ACSM1: variants seen among roughly 807,000 people sequenced by gnomAD.
ACSM1 encodes the protein acyl-coenzyme A synthetase ACSM1, mitochondrial.
In ACSM1, 79 loss-of-function variants were observed where a neutral mutation model predicts 75.8. That is an observed-to-expected ratio of 1.04 (90% CI 0.87 to 1.26). ACSM1 has a LOEUF of 1.26. Ranked by LOEUF, ACSM1 falls within the 50% of genes most tolerant of loss-of-function variation. The pLI is 0.00. For synonymous variants in ACSM1, 279 were observed against 265.8 expected (o/e 1.05, Z -0.48); for missense variants, 676 against 720.1 (o/e 0.94, Z 0.70).
chr16:20,626,528 T>C (rs2016933971), intron 11 of ACSM1, among the ~76,000 whole-genome samples: 1 of 151,948 alleles, frequency 6.6e-6, no homozygotes. Flanking sequence ...TCCTGTGCTA[T>C]CTTTGAATCT....
At chr16:20,654,623 T>C in intron 7 of ACSM1, among the ~76,000 whole-genome samples, 1 of 152,130 alleles carries the variant, frequency 6.6e-6, no homozygotes, top group Non-Finnish European at 1.5e-5. Context: ...AAGAAGACAT[T>C]TATGCAGCCA....
chr16:20,656,474 G>C (rs1266609922), intron 7 of ACSM1, among the ~76,000 whole-genome samples: 2 of 151,738 alleles, frequency 1.3e-5, no homozygotes, highest in African/African-American at 4.8e-5. Flanking sequence ...TGGAAATTTG[G>C]GTGACTAAAA....
At chr16:20,694,744 A>G (rs1323128536) in intron 1 of ACSM1, among the ~76,000 whole-genome samples, 1 of 152,168 alleles carries the variant, frequency 6.6e-6, no homozygotes, top group East Asian at 1.9e-4. Flanking sequence ...TGAAGTACGA[A>G]CCCCAATATT....
chr16:20,641,853 G>C (rs1312136213), intron 7 of ACSM1, among the ~76,000 whole-genome samples: 1 of 152,202 alleles, frequency 6.6e-6, no homozygotes, highest in Non-Finnish European at 1.5e-5. Flanking sequence ...CATCATCAAG[G>C]GACACCCAAG....
intron 7 of ACSM1, among the ~76,000 whole-genome samples, chr16:20,649,378 C>T (rs1332171233): frequency 6.6e-6 from 1 of 152,190 alleles, no homozygotes; most frequent in Non-Finnish European, 1.5e-5. Flanking sequence ...ACATATTTCT[C>T]TGCCATATCT....
chr16:20,640,390 T>C, intron 8 of ACSM1, 71 bp downstream of exon 8: 2 of 1,580,426 alleles, frequency 1.3e-6, no homozygotes, highest in Middle Eastern at 3.3e-4. Context: ...TGCGTGTCAT[T>C]AACCTTAGCA....
intron 12 of ACSM1, 68 bp from the exon 13 acceptor site, chr16:20,624,283 A>G (rs1330073598): frequency 6.6e-7 from 1 of 1,503,840 alleles, no homozygotes; most frequent in Admixed American, 2.0e-5. Flanking sequence ...GTCAATGTTT[A>G]TTGAATGAGT....
At position 20,627,284 on chromosome 16, in the gene ACSM1, A is replaced by G; in HGVS notation, c.1332T>C (p.Cys444=). 6.3e-7 allele frequency: 1 copy of G among 1,583,852 alleles called. No individual in the cohort carries two copies. The highest frequency in any genetic ancestry group is 8.6e-7 in the Non-Finnish European group (1 of 1,167,392). ...TGTCCCCAGTGTTGTAGAAGTCCCC[A>G]CATTCCACTTTAGCTGTCTTCTCTG... ...GDPEKTAKVE[C]GDFYNTGDRG... Residue 444 remains cysteine, a synonymous_variant, in exon 11 of 14, where the codon TGT becomes TGC. Coordinates refer to ENST00000520010, the MANE Select transcript of ACSM1 (RefSeq NM_001318890.3).
At chr16:20,678,122 C>G (rs2079349789) in intron 4 of ACSM1, among the ~76,000 whole-genome samples, 1 of 152,110 alleles carries the variant, frequency 6.6e-6, no homozygotes, top group Non-Finnish European at 1.5e-5. Flanking sequence ...AGAGATTCCC[C>G]TTCTGTAGAT....
At chr16:20,695,418 T>A (rs980969338) in intron 1 of ACSM1, among the ~76,000 whole-genome samples, 2 of 152,238 alleles carry the variant, frequency 1.3e-5, no homozygotes, top group African/African-American at 4.8e-5. Flanking sequence ...AGGGAAGCTC[T>A]TATAGAGTAG....
chr16:20,658,578 GGGCAGT>G (rs1198745133), intron 7 of ACSM1, among the ~76,000 whole-genome samples: 1 of 151,578 alleles, frequency 6.6e-6, no homozygotes, highest in Non-Finnish European at 1.5e-5. Flanking sequence ...CTTCAGCCAT[GGGCAGT>G]CCTGCCAAGG....
intron 10 of ACSM1, among the ~76,000 whole-genome samples, chr16:20,635,626 TTCTTTCTTTC>T (rs1567251892): frequency 8.2e-6 from 1 of 121,226 alleles, no homozygotes; most frequent in African/African-American, 2.8e-5. Context: ...CTTTCTTTCT[TTCTTTCTTTC>T]TTTCTTTCTT....
chr16:20,623,724 C>T (rs915506040), intron 13 of ACSM1, 152 bp from the exon 14 acceptor site: 3 of 828,368 alleles, frequency 3.6e-6, no homozygotes, highest in Admixed American at 2.6e-5. Context: ...TCAGGTTCTC[C>T]CCCTGGCCCC....
intron 10 of ACSM1, among the ~76,000 whole-genome samples, chr16:20,633,110 G>A (rs1213554834): frequency 6.6e-6 from 1 of 152,112 alleles, no homozygotes; most frequent in Non-Finnish European, 1.5e-5. Context: ...AAAAACACAA[G>A]GATGCCTGCT....
Position 20,640,453 on chromosome 16 carries a change from C to T in ACSM1, c.1116+8G>A. On this transcript the variant is annotated splice_region_variant and intron_variant, in intron 8 of 13. Transcript: ENST00000520010. Reference sequence around the variant, plus strand: ...TGTCTCAGACACTTTCTGGTTTGCACCACCTACCGTTTCCGACTGCCCATA... The same window carrying T: ...TGTCTCAGACACTTTCTGGTTTGCATCACCTACCGTTTCCGACTGCCCATA... The T allele has an allele frequency of 6.2e-7, 1 of 1,614,122 alleles. No homozygotes were observed. The highest frequency in any genetic ancestry group is 8.5e-7 in the Non-Finnish European group (1 of 1,179,982).
chr16:20,674,891 A>G (rs2020172642), intron 4 of ACSM1: 1 of 152,238 alleles, frequency 6.6e-6, no homozygotes, highest in African/African-American at 2.4e-5. Context: ...ATCACCTCCC[A>G]GGGACCAACC....
chr16:20,685,547 C>A (rs183409660), intron 2 of ACSM1, 144 bp from the exon 3 acceptor site: 10 of 773,188 alleles, frequency 1.3e-5, no homozygotes, highest in Non-Finnish European at 2.0e-5. Context: ...TACAGCCAGG[C>A]GCAGTGGCTC....
intron 10 of ACSM1, among the ~76,000 whole-genome samples, chr16:20,629,348 G>A (rs1187214024): frequency 2.6e-5 from 4 of 152,102 alleles, no homozygotes; most frequent in African/African-American, 9.7e-5. Context: ...TTGAAGTTAA[G>A]TAGGTATTAA....
At chr16:20,646,231 G>C (rs1251117780) in intron 7 of ACSM1, among the ~76,000 whole-genome samples, 3 of 152,192 alleles carry the variant, frequency 2.0e-5, no homozygotes, top group Non-Finnish European at 4.4e-5. Context: ...CCTGCTTCCA[G>C]TGCAGTCTAC....
Sources: gnomAD v4.1 joint callset for allele counts (sites outside exome capture counted in the v4.1 genomes callset) on GRCh38, gnomAD v4.1.1 for gene constraint, MANE v1.5 for transcripts, NCBI Gene and HGNC (gene_info 2026-07-23, HGNC 2026-07-21) for gene names.